Variants in FARS2 observed in about 807,000 individuals in gnomAD.
The protein encoded by FARS2 is phenylalanyl-tRNA synthetase 2, mitochondrial.
FARS2 carries 40 observed loss-of-function variants against 46.4 expected under a neutral mutation model. That is an observed-to-expected ratio of 0.86 (90% confidence interval 0.67 to 1.12). The LOEUF (loss-of-function observed/expected upper bound fraction) is 1.12, where lower values mean the gene tolerates loss of function less well. Among genes scored for constraint, FARS2 ranks in the 50% most tolerant of loss-of-function variants. FARS2 has a pLI of 0.00. For missense variants in FARS2, 513 were observed against 567.9 expected (o/e 0.90, Z 0.98); for synonymous variants, 234 against 214.9 (o/e 1.09, Z -0.78).
chr6:5,404,677 C>CT lies in FARS2; in HGVS notation c.749dup (p.Met251HisfsTer8). On this transcript the variant is annotated frameshift_variant, in exon 3 of 7. Transcript: ENST00000274680. LOFTEE classifies it high-confidence loss of function. Reference sequence around the variant, plus strand: ...TGATCTTAAGCAAACGCTTACCAGGCTCATGGCACATCTTTTTGGAGATGG... The same window carrying CT: ...TGATCTTAAGCAAACGCTTACCAGGCTTCATGGCACATCTTTTTGGAGATGG... 6.3e-7 allele frequency: 1 copy of CT among 1,599,710 alleles called. No individual in the cohort carries two copies. The highest frequency in any genetic ancestry group is 1.7e-4 in the Middle Eastern group (1 of 5,838).
chr6:5,441,377 C>T (rs1466949177), intron 4 of FARS2, among the ~76,000 whole-genome samples: 1 of 152,190 alleles, frequency 6.6e-6, no homozygotes, highest in African/African-American at 2.4e-5. Context: ...CCTTCCCTCT[C>T]TCCCTCCCTT....
chr6:5,378,877 T>C (rs560262987), intron 2 of FARS2, among the ~76,000 whole-genome samples: 6 of 152,220 alleles, frequency 3.9e-5, no homozygotes, highest in East Asian at 1.9e-4. Flanking sequence ...TAGTGAGGAG[T>C]CCATGGATTT....
rs185375202 is a variant in FARS2 at position 5,722,105 on chromosome 6, T to A, written c.1218-49186T>A. Among the ~76,000 whole-genome samples, 685 of 152,300 alleles carry A rather than the reference T, an allele frequency of 4.5e-3. 4 individuals carry two copies. The highest frequency in any genetic ancestry group is 0.01 in the Middle Eastern group (3 of 294). On this transcript the variant is annotated intron_variant, in intron 6 of 6. Transcript: ENST00000274680. ...AAATTGTTGTTTTTTTCCTTGTAAGTGTGAGATGGTAAAAAATGCAGTGAC... is the reference window on the plus strand; with the variant it reads ...AAATTGTTGTTTTTTTCCTTGTAAGAGTGAGATGGTAAAAAATGCAGTGAC...
chr6:5,454,781 C>T (rs1764738262), intron 4 of FARS2, among the ~76,000 whole-genome samples: 1 of 152,196 alleles, frequency 6.6e-6, no homozygotes. Flanking sequence ...GCCTACTCTG[C>T]TTTGCTCTGA....
intron 6 of FARS2, among the ~76,000 whole-genome samples, chr6:5,737,463 G>A (rs955739358): frequency 4.6e-5 from 7 of 152,204 alleles, no homozygotes; most frequent in African/African-American, 9.6e-5. Flanking sequence ...CCCAGGAGGC[G>A]GAAGTTGCAG....
At chr6:5,493,894 T>C (rs1464691721) in intron 4 of FARS2, among the ~76,000 whole-genome samples, 1 of 152,250 alleles carries the variant, frequency 6.6e-6, no homozygotes, top group East Asian at 1.9e-4. Context: ...GCTTTTATTT[T>C]GTCTCTTGTG....
upstream of FARS2, among the ~76,000 whole-genome samples, chr6:5,260,436 C>A (rs114006607): frequency 1.2e-4 from 19 of 152,360 alleles, no homozygotes; most frequent in African/African-American, 3.8e-4. Context: ...ATGAACGTCT[C>A]CCCTGGTAGA....
intron 4 of FARS2, among the ~76,000 whole-genome samples, chr6:5,441,897 A>G (rs1763862971): frequency 6.6e-6 from 1 of 152,160 alleles, no homozygotes; most frequent in African/African-American, 2.4e-5. Flanking sequence ...CATCCTCTTT[A>G]ACACTTGACG....
intron 6 of FARS2, among the ~76,000 whole-genome samples, chr6:5,740,633 A>T (rs996585793): frequency 6.6e-6 from 1 of 152,110 alleles, no homozygotes; most frequent in Non-Finnish European, 1.5e-5. Context: ...CCGATTGCTC[A>T]CCGCTTACCT....
chr6:5,316,481 C>T (rs1419466345), intron 1 of FARS2, among the ~76,000 whole-genome samples: 1 of 152,140 alleles, frequency 6.6e-6, no homozygotes, highest in African/African-American at 2.4e-5. Flanking sequence ...TTCCTAGACC[C>T]ATGGAAGAAC....
At position 5,314,738 on chromosome 6, in the gene FARS2, ACCACTGGCTCAGTGGCCT is replaced by A. The variant is rs1769329758; in HGVS notation, c.-22+53082_-22+53099del. ...TGCAGGTCCTCGTCGATATGGGGTT[ACCACTGGCTCAGTGGCCT>A]CCAGAGAACTTCAGATCTCTTGTGC... On this transcript the variant is annotated intron_variant, in intron 1 of 6. Transcript: ENST00000274680. Among the ~76,000 whole-genome samples the A allele has an allele frequency of 4.6e-5, 7 of 152,316 alleles. No homozygotes were observed. The South Asian group carries it at 1.5e-3, about 32-fold the overall frequency.
intron 1 of FARS2, among the ~76,000 whole-genome samples, chr6:5,320,336 A>G (rs1200800042): frequency 6.6e-6 from 1 of 152,210 alleles, no homozygotes; most frequent in African/African-American, 2.4e-5. Flanking sequence ...CTGCAGAAGT[A>G]TTAATGATGG....
intron 1 of FARS2, among the ~76,000 whole-genome samples, chr6:5,330,454 C>T (rs1770722538): frequency 6.6e-6 from 1 of 152,132 alleles, no homozygotes; most frequent in African/African-American, 2.4e-5. Context: ...GCTGGCTCCA[C>T]GGGTACCCCA....
intron 4 of FARS2, among the ~76,000 whole-genome samples, chr6:5,470,347 A>G (rs1027442282): frequency 6.6e-6 from 1 of 152,224 alleles, no homozygotes; most frequent in Non-Finnish European, 1.5e-5. Flanking sequence ...CGCATAGATT[A>G]TATGCAAATA....
Position 5,279,989 on chromosome 6 carries a change from C to T in FARS2, c.-22+18329C>T, listed in dbSNP as rs1766612857. Among the ~76,000 whole-genome samples, 3 of 152,312 alleles carry T rather than the reference C, an allele frequency of 2.0e-5. No homozygotes were observed. The South Asian group carries it at 6.2e-4, about 32-fold the overall frequency. Reference sequence around the variant, plus strand: ...CCAGTCATGTTGACGTAAGACTAACCGTTACACTAGGCAAAGGCATTGAAA... The same window carrying T: ...CCAGTCATGTTGACGTAAGACTAACTGTTACACTAGGCAAAGGCATTGAAA... On this transcript the variant is annotated intron_variant, in intron 1 of 6. Transcript: ENST00000274680.
At chr6:5,683,125 A>T (rs771590996) in intron 6 of FARS2, among the ~76,000 whole-genome samples, 2 of 152,186 alleles carry the variant, frequency 1.3e-5, no homozygotes, top group Non-Finnish European at 2.9e-5. Flanking sequence ...CTCATTTAGC[A>T]TGTGATCTGA....
intron 6 of FARS2, among the ~76,000 whole-genome samples, chr6:5,673,378 C>G (rs1778581493): frequency 6.6e-6 from 1 of 152,196 alleles, no homozygotes; most frequent in Admixed American, 6.5e-5. Flanking sequence ...GGAAAACATT[C>G]CTTCATTCCC....
intron 1 of FARS2, among the ~76,000 whole-genome samples, chr6:5,334,286 C>G (rs1289543634): frequency 6.6e-6 from 1 of 152,212 alleles, no homozygotes; most frequent in Admixed American, 6.5e-5. Flanking sequence ...GGAGTCCTAA[C>G]TGGCGCACTC....
rs1009184683 is a variant in FARS2 at position 5,343,672 on chromosome 6, A to T, written c.-21-24878A>T. Among the ~76,000 whole-genome samples the T allele has an allele frequency of 2.0e-4, 30 of 152,172 alleles. No homozygotes were observed. Among genetic ancestry groups the T allele is most frequent in the African/African-American group, 7.2e-4 (30 of 41,448 alleles). On this transcript the variant is annotated intron_variant, in intron 1 of 6. Coordinates refer to ENST00000274680, the MANE Select transcript of FARS2 (RefSeq NM_006567.5). The surrounding 1 kb of genome is among the most constrained non-coding windows in gnomAD (Gnocchi z 4.5). ...GTACATTAAGTTTTTATCACCTTTAACAGGAATGTGTCGTGACTGAAAGTG... is the reference window on the plus strand; with the variant it reads ...GTACATTAAGTTTTTATCACCTTTATCAGGAATGTGTCGTGACTGAAAGTG...
Sources: allele counts gnomAD v4.1 joint callset (sites outside exome capture counted in the v4.1 genomes callset), GRCh38; gene constraint gnomAD v4.1.1; non-coding constraint Gnocchi (gnomAD v3.1); transcripts MANE v1.5; gene names NCBI Gene and HGNC (gene_info 2026-07-23, HGNC 2026-07-21).